RANBP17: variants seen among roughly 807,000 people sequenced by gnomAD.
RANBP17 encodes the protein RAN binding protein 17, also known as ran-binding protein 17.
A neutral mutation model predicts 141.2 loss-of-function variants in RANBP17; 158 were observed. The ratio of observed to expected loss-of-function variants is 1.12; its 90% CI spans 0.98 to 1.28. The LOEUF is 1.28. Ranked by LOEUF, RANBP17 falls within the 50% of genes most tolerant of loss-of-function variation. The pLI is 0.00. For missense variants in RANBP17, 1,438 were observed against 1,290.7 expected (o/e 1.11, Z -1.75); for synonymous variants, 430 against 450.0 (o/e 0.96, Z 0.56).
intron 25 of RANBP17, among the ~76,000 whole-genome samples, chr5:171,278,009 C>A (rs1022878055): frequency 1.7e-5 from 2 of 114,734 alleles, no homozygotes; most frequent in Admixed American, 1.3e-4. Context: ...AGACATTTGA[C>A]CCAAGCTGGC....
intron 14 of RANBP17, among the ~76,000 whole-genome samples, chr5:171,008,170 T>C (rs1779783839): frequency 1.3e-5 from 2 of 152,200 alleles, no homozygotes; most frequent in African/African-American, 4.8e-5. Flanking sequence ...AGATAAAATG[T>C]GTCTCCTTTG....
chr5:170,931,467 A>C (rs964712433), intron 12 of RANBP17, among the ~76,000 whole-genome samples: 4 of 152,092 alleles, frequency 2.6e-5, no homozygotes, highest in South Asian at 2.1e-4. Context: ...GTGTTTTAGA[A>C]ATGAAGTCCT....
intron 14 of RANBP17, chr5:170,970,679 G>A (rs1330105974): frequency 6.6e-6 from 1 of 152,030 alleles, no homozygotes; most frequent in Non-Finnish European, 1.5e-5. Flanking sequence ...AGGCATGAAT[G>A]GGTTAAGACA....
chr5:171,048,076 T>G (rs1021578154), intron 14 of RANBP17, among the ~76,000 whole-genome samples: 1 of 152,124 alleles, frequency 6.6e-6, no homozygotes, highest in Non-Finnish European at 1.5e-5. Context: ...TCTGATAGAT[T>G]TTTTTGTTTT....
At chr5:171,270,188 A>T (rs1387332009) in intron 25 of RANBP17, among the ~76,000 whole-genome samples, 1 of 152,140 alleles carries the variant, frequency 6.6e-6, no homozygotes, top group Non-Finnish European at 1.5e-5. Flanking sequence ...TGTGTTTATT[A>T]TTCTCTTCTA....
intron 14 of RANBP17, among the ~76,000 whole-genome samples, chr5:171,117,829 T>TTTGTTGTTGTTG (rs57307801): frequency 3.3e-4 from 49 of 147,558 alleles, no homozygotes; most frequent in East Asian, 1.6e-3. Context: ...TATGTGGGGT[T>TTTGTTGTTGTTG]TTGTTGTTGT....
Position 171,256,204 on chromosome 5 carries a change from G to T in RANBP17, c.2777-9477G>T, listed in dbSNP as rs191979313. ...GAGAGGCTAAAGCGCTCATGTCCTGGCTCTTCAGTGAATTTAACTGTGTGA... is the reference window on the plus strand; with the variant it reads ...GAGAGGCTAAAGCGCTCATGTCCTGTCTCTTCAGTGAATTTAACTGTGTGA... On this transcript the variant is annotated intron_variant, in intron 24 of 27. Transcript: ENST00000523189. 1.3e-3 allele frequency among the ~76,000 whole-genome samples: 191 copies of T among 152,234 alleles called. 1 individual carries two copies. The highest frequency in any genetic ancestry group is 2.4e-3 in the Non-Finnish European group (164 of 68,016).
chr5:171,043,698 G>T (rs963082951), intron 14 of RANBP17, among the ~76,000 whole-genome samples: 3 of 152,144 alleles, frequency 2.0e-5, no homozygotes, highest in Admixed American at 2.0e-4. Context: ...TTCTTTATAT[G>T]TATGTAACTA....
chr5:170,878,072 A>G (rs1275903597), intron 1 of RANBP17, 25 bp from the exon 2 acceptor site: 1 of 1,521,082 alleles, frequency 6.6e-7, no homozygotes, highest in Non-Finnish European at 8.9e-7. Flanking sequence ...ATTGAAGTAA[A>G]ATGTTAATTT....
At chr5:171,097,684 C>A (rs1256504996) in intron 14 of RANBP17, among the ~76,000 whole-genome samples, 2 of 149,748 alleles carry the variant, frequency 1.3e-5, no homozygotes, top group African/African-American at 4.9e-5. Flanking sequence ...ATGTGCAGAA[C>A]ATGTAGGTTT....
At chr5:170,988,096 A>G (rs1486702928) in intron 14 of RANBP17, among the ~76,000 whole-genome samples, 1 of 151,710 alleles carries the variant, frequency 6.6e-6, no homozygotes, top group African/African-American at 2.4e-5. Context: ...AATAAAATAT[A>G]TGCTTACCCA....
intron 14 of RANBP17, among the ~76,000 whole-genome samples, chr5:171,100,403 A>G (rs1334260190): frequency 6.6e-6 from 1 of 152,162 alleles, no homozygotes; most frequent in Non-Finnish European, 1.5e-5. Flanking sequence ...TGTTTATAGT[A>G]TTATCTGATG....
Position 171,199,754 on chromosome 5 carries a change from T to C in RANBP17, c.2123T>C (p.Phe708Ser). 6.2e-7 allele frequency: 1 copy of C among 1,603,736 alleles called. No homozygotes were observed. The highest frequency in any genetic ancestry group is 8.5e-7 in the Non-Finnish European group (1 of 1,172,298). ...GTATTACAAATATTCAACAACAACT[T>C]TAAACAAGAAGATGTAAAGGTGGGT... ...ETVLQIFNNNFKQEDVKRMLI... is the reference protein window; with the variant it reads ...ETVLQIFNNNSKQEDVKRMLI... The change falls in exon 19 of 28, where the codon TTT (phenylalanine) becomes TCT (serine). Residue 708 changes from phenylalanine to serine, a missense_variant. Physicochemically the swap from Phe to Ser is radical, Grantham distance 155. Coordinates refer to ENST00000523189, the MANE Select transcript of RANBP17 (RefSeq NM_022897.5).
intron 14 of RANBP17, among the ~76,000 whole-genome samples, chr5:171,051,361 C>A (rs1782939470): frequency 6.6e-6 from 1 of 152,136 alleles, no homozygotes; most frequent in African/African-American, 2.4e-5. Flanking sequence ...CAGAGAAATA[C>A]TTTGTACCTA....
intron 14 of RANBP17, among the ~76,000 whole-genome samples, chr5:171,162,023 A>G (rs905812323): frequency 1.3e-5 from 2 of 152,228 alleles, no homozygotes; most frequent in African/African-American, 4.8e-5. Context: ...GCAAAGAATT[A>G]TAAATATTCC....
chr5:171,075,747 G>GT (rs1236378421), intron 14 of RANBP17, among the ~76,000 whole-genome samples: 14 of 152,198 alleles, frequency 9.2e-5, no homozygotes, highest in Admixed American at 5.2e-4. Flanking sequence ...GAGTCCAGCA[G>GT]TTTGAGACCA....
chr5:171,039,836 G>A (rs1409115142), intron 14 of RANBP17, among the ~76,000 whole-genome samples: 1 of 152,024 alleles, frequency 6.6e-6, no homozygotes, highest in Non-Finnish European at 1.5e-5. Context: ...AGAAATTGAA[G>A]CCCCGAACAG....
intron 14 of RANBP17, among the ~76,000 whole-genome samples, chr5:171,114,709 A>G (rs1755489090): frequency 6.8e-6 from 1 of 148,078 alleles, no homozygotes; most frequent in Non-Finnish European, 1.5e-5. Context: ...GGCACACTAG[A>G]TGGTTTCTAA....
At chr5:171,149,244 C>T (rs904725729) in intron 14 of RANBP17, among the ~76,000 whole-genome samples, 12 of 152,170 alleles carry the variant, frequency 7.9e-5, no homozygotes, top group Admixed American at 3.9e-4. Context: ...TTTTACTGTT[C>T]CATTTTTTAC....
Sources: allele counts gnomAD v4.1 joint callset (sites outside exome capture counted in the v4.1 genomes callset), GRCh38; gene constraint gnomAD v4.1.1; transcripts MANE v1.5; gene names NCBI Gene and HGNC (gene_info 2026-07-23, HGNC 2026-07-21).